The following P2RY10 variants were observed in gnomAD, a reference collection of about 807,000 sequenced individuals.
P2RY10 encodes the protein putative P2Y purinoceptor 10.
In P2RY10, 4 loss-of-function variants were observed where a neutral mutation model predicts 12.1. The ratio of observed to expected loss-of-function variants is 0.33; its 90% CI spans 0.16 to 0.76. The LOEUF is 0.76. Among genes scored for constraint, P2RY10 ranks in the 30% least tolerant of loss-of-function variants. The pLI, the probability that P2RY10 is intolerant of heterozygous loss-of-function variation, is 0.61. For missense variants in P2RY10, 233 were observed against 264.6 expected (o/e 0.88, Z 0.83); for synonymous variants, 112 against 94.1 (o/e 1.19, Z -1.10).
intron 1 of P2RY10, among the ~76,000 whole-genome samples, chrX:78,946,683 A>G (rs1921849358): frequency 8.9e-6 from 1 of 112,509 alleles, no homozygotes; most frequent in African/African-American, 3.2e-5. Context: ...ATGCAGATAT[A>G]CTGAGGTGGA....
At chrX:78,960,448 A>T in intron 3 of P2RY10, 60 bp from the exon 4 acceptor site, 1 of 841,204 alleles carries the variant, frequency 1.2e-6, no homozygotes, top group Non-Finnish European at 1.7e-6. Context: ...AGAGAGATCT[A>T]GGTGTTAACT....
In P2RY10 at chrX:78,961,978, A is replaced by T. The variant is rs1922649081; in HGVS notation, c.*438A>T. 1 of 123,566 alleles carries T rather than the reference A, an allele frequency of 8.1e-6. No homozygotes were observed. Among genetic ancestry groups the T allele is most frequent in the Non-Finnish European group, 1.8e-5 (1 of 54,885 alleles). The allele number at this position is 123,566 out of a possible 1,213,427, so 10.2% of individuals were successfully genotyped here. A position where few individuals can be genotyped will look rare whatever the true frequency, so the allele number is the denominator to read the frequency against. ...AATGTCTAATCTTTCTAACAGGTAA[A>T]TTTTTCTAACAGGCAAGACAGTGTG... is the stretch of plus-strand genomic sequence containing the variant. On this transcript the variant is annotated 3_prime_UTR_variant, in exon 4 of 4. Transcript: ENST00000171757.
chrX:78,947,350 G>A (rs982227502), intron 1 of P2RY10, among the ~76,000 whole-genome samples: 7 of 112,074 alleles, frequency 6.2e-5, no homozygotes, highest in East Asian at 2.8e-4. Context: ...ATGGTTCCCC[G>A]GTGGTCTATG....
chrX:78,953,044 G>A (rs868340048), intron 3 of P2RY10, among the ~76,000 whole-genome samples: 13 of 112,202 alleles, frequency 1.2e-4, no homozygotes, highest in South Asian at 7.4e-4. Context: ...TTCCATTTGT[G>A]CCATTTCAAA....
chrX:78,960,155 G>T (rs1363260398), intron 3 of P2RY10, among the ~76,000 whole-genome samples: 3 of 112,172 alleles, frequency 2.7e-5, no homozygotes, highest in African/African-American at 9.7e-5. Context: ...TCTAACCAGG[G>T]CTTTGGACAA....
rs1268749439 is a variant in P2RY10, at chrX:78,954,046, A to AT, written c.-14+1718dup. On this transcript the variant is annotated intron_variant, in intron 3 of 3. Transcript: ENST00000171757. ...CACCCAGCTAATTTTTTTGTTTTAT[A>AT]TTTTTTTGTAGAGATGAGGTTTCAC... 5.5e-5 allele frequency among the ~76,000 whole-genome samples: 6 copies of AT among 109,705 alleles called. No individual in the cohort carries two copies. The Admixed American group carries it at 5.8e-4, about 11-fold the overall frequency.
chrX:78,959,560 C>T (rs1462230395), intron 3 of P2RY10, among the ~76,000 whole-genome samples: 7 of 111,143 alleles, frequency 6.3e-5, no homozygotes, highest in Non-Finnish European at 1.3e-4. Flanking sequence ...TTAAGGAAGT[C>T]CAAAAAAGAA....
At chrX:78,954,765 T>C (rs906997734) in intron 3 of P2RY10, among the ~76,000 whole-genome samples, 2 of 112,361 alleles carry the variant, frequency 1.8e-5, no homozygotes, top group Admixed American at 9.4e-5. Flanking sequence ...CATAGCAGAA[T>C]GTCTACTTGG....
At chrX:78,952,888 G>A (rs1922167949) in intron 3 of P2RY10, among the ~76,000 whole-genome samples, 1 of 111,992 alleles carries the variant, frequency 8.9e-6, no homozygotes, top group South Asian at 3.7e-4. Flanking sequence ...GAGAAAAGTG[G>A]TGGATGGGGA....
chrX:78,947,562 A>T (rs1030099611), intron 1 of P2RY10, among the ~76,000 whole-genome samples: 1 of 111,727 alleles, frequency 9.0e-6, no homozygotes, highest in Non-Finnish European at 1.9e-5. Context: ...GAGTTATTTC[A>T]TTTCTGTGCA....
chrX:78,957,387 C>CACACACACACACACACACAG (rs760263078), intron 3 of P2RY10, among the ~76,000 whole-genome samples: 9 of 75,810 alleles, frequency 1.2e-4, no homozygotes, highest in Non-Finnish European at 2.2e-4. Flanking sequence ...CACACACACA[C>CACACACACACACACACACAG]AGAGAGAGAG....
intron 3 of P2RY10, among the ~76,000 whole-genome samples, chrX:78,955,626 G>A (rs1402614532): frequency 8.9e-6 from 1 of 112,010 alleles, no homozygotes; most frequent in African/African-American, 3.2e-5. Flanking sequence ...AATCTCTCCT[G>A]GATCTGAGAA....
intron 3 of P2RY10, among the ~76,000 whole-genome samples, chrX:78,952,626 TGA>T (rs1456984634): frequency 2.7e-5 from 3 of 111,362 alleles, no homozygotes; most frequent in Non-Finnish European, 5.7e-5. Flanking sequence ...AAGCTCTAGC[TGA>T]GAGTGTAGAA....
intron 3 of P2RY10, among the ~76,000 whole-genome samples, chrX:78,959,536 A>G (rs779841047): frequency 1.8e-5 from 2 of 111,881 alleles, no homozygotes; most frequent in East Asian, 5.6e-4. Context: ...ACCATACTAA[A>G]TCATAAAATA....
chrX:78,952,605 A>G (rs1041177818), intron 3 of P2RY10, among the ~76,000 whole-genome samples: 1 of 111,648 alleles, frequency 9.0e-6, no homozygotes. Context: ...AGTTGGAGAG[A>G]CTTGATGAAA....
In P2RY10 at chrX:78,960,787, C is replaced by T. The variant is rs1922574220; in HGVS notation, c.267C>T (p.Leu89=). 1 of 1,211,673 alleles carries T rather than the reference C, an allele frequency of 8.3e-7. No homozygotes were observed. Among genetic ancestry groups the T allele is most frequent in the East Asian group, 3.0e-5 (1 of 33,834 alleles). Residue 89 remains leucine (L), a synonymous_variant, in exon 4 of 4, where the codon CTC becomes CTT. Transcript: ENST00000171757. ...ADLAHVLSLP[L]RIYYYISHHW... is the part of the protein sequence containing the mutation. ...TTGCTCATGTATTATCTTTACCCCT[C>T]CGGATTTACTATTACATCAGCCACC... is the stretch of plus-strand genomic sequence containing the variant.
chrX:78,955,477 G>C (rs760165355), intron 3 of P2RY10, among the ~76,000 whole-genome samples: 1 of 112,603 alleles, frequency 8.9e-6, no homozygotes, highest in Non-Finnish European at 1.9e-5. Context: ...TTCAAAAACA[G>C]TTTTTGGTGG....
chrX:78,961,054 C>A lies in P2RY10; in HGVS notation c.534C>A (p.Asn178Lys). The change falls in exon 4 of 4, where the codon AAC (asparagine) becomes AAA (lysine). Residue 178 changes from asparagine (N) to lysine (K), a missense_variant. Coordinates refer to ENST00000171757, the MANE Select transcript of P2RY10 (RefSeq NM_014499.4). ...PILRSTDLNN[N>K]KSCFADLGYK... ...TGAGAAGCACAGACTTAAACAACAA[C>A]AAGTCCTGCTTTGCTGATCTTGGAT... The A allele has an allele frequency of 8.3e-7, 1 of 1,211,389 alleles. No homozygotes were observed. Among genetic ancestry groups the A allele is most frequent in the Non-Finnish European group, 1.1e-6 (1 of 895,126 alleles).
In P2RY10 at chrX:78,961,026, T is replaced by TCCTGAGAAGCACAGA; in HGVS notation, c.508_522dup (p.Arg171_Leu175dup). On this transcript the variant is annotated inframe_insertion, in exon 4 of 4. Transcript: ENST00000171757. ...GGGACTGCCTGTTTGCCATTTCCCA[T>TCCTGAGAAGCACAGA]CCTGAGAAGCACAGACTTAAACAAC... 3 of 1,211,732 alleles carry TCCTGAGAAGCACAGA rather than the reference T, an allele frequency of 2.5e-6. No homozygotes were observed. Among genetic ancestry groups the TCCTGAGAAGCACAGA allele is most frequent in the Non-Finnish European group, 3.4e-6 (3 of 895,423 alleles).
Sources: gnomAD v4.1 joint callset for allele counts (sites outside exome capture counted in the v4.1 genomes callset) on GRCh38, gnomAD v4.1.1 for gene constraint, MANE v1.5 for transcripts, NCBI Gene and HGNC (gene_info 2026-07-23, HGNC 2026-07-21) for gene names.